SLC24A2: variants seen among roughly 807,000 people sequenced by gnomAD.
The protein encoded by SLC24A2 is sodium/potassium/calcium exchanger 2.
A neutral mutation model predicts 62.0 loss-of-function variants in SLC24A2; 36 were observed. That is an observed-to-expected ratio of 0.58 (90% CI 0.44 to 0.77). SLC24A2 has a LOEUF of 0.77. SLC24A2 is among the 30% of genes least tolerant of loss of function. SLC24A2 has a pLI of 0.00. For missense variants in SLC24A2, 846 were observed against 817.9 expected (o/e 1.03, Z -0.42); for synonymous variants, 358 against 294.0 (o/e 1.22, Z -2.23).
the SLC24A2 span, among the ~76,000 whole-genome samples, chr9:20,233,662 G>T: frequency 3.9e-5 from 6 of 152,092 alleles, no homozygotes; most frequent in African/African-American, 1.2e-4. Context: ...TACACTGACG[G>T]GTCTTGAATC....
the SLC24A2 span, among the ~76,000 whole-genome samples, chr9:19,894,950 T>A: frequency 6.6e-6 from 1 of 152,236 alleles, no homozygotes; most frequent in Non-Finnish European, 1.5e-5. Flanking sequence ...TTTCTCTTTG[T>A]GACATTTTCT....
At chr9:20,276,365 T>C in the SLC24A2 span, among the ~76,000 whole-genome samples, 17,887 of 152,232 alleles carry the variant, frequency 0.12, 2,051 homozygotes, top group East Asian at 0.52. Flanking sequence ...AGCTCCAAAA[T>C]GATCTCCTTT....
chr9:19,535,586 C>T (rs535862111), intron 8 of SLC24A2, among the ~76,000 whole-genome samples: 1 of 152,262 alleles, frequency 6.6e-6, no homozygotes, highest in South Asian at 2.1e-4. Flanking sequence ...GCCAATTTTC[C>T]CAGCACCATT....
At chr9:20,061,065 T>C in the SLC24A2 span, among the ~76,000 whole-genome samples, 16 of 152,200 alleles carry the variant, frequency 1.1e-4, no homozygotes, top group African/African-American at 3.4e-4. Flanking sequence ...AGACATTCCA[T>C]GTTTATGGAT....
At chr9:19,605,377 G>C (rs1487178494) in intron 4 of SLC24A2, among the ~76,000 whole-genome samples, 1 of 152,104 alleles carries the variant, frequency 6.6e-6, no homozygotes, top group African/African-American at 2.4e-5. Flanking sequence ...ATGAAATCTG[G>C]CCTTTTGGAA....
At chr9:20,306,085 T>C in the SLC24A2 span, among the ~76,000 whole-genome samples, 2 of 152,204 alleles carry the variant, frequency 1.3e-5, no homozygotes, top group African/African-American at 4.8e-5. Flanking sequence ...CACATTATTC[T>C]GAGGTACTAG....
chr9:19,526,469 AGTAT>A (rs997901911), intron 9 of SLC24A2, among the ~76,000 whole-genome samples: 1 of 152,226 alleles, frequency 6.6e-6, no homozygotes, highest in Non-Finnish European at 1.5e-5. Context: ...TCCTATCAGC[AGTAT>A]GTAAGGATTC....
At chr9:19,827,684 G>A in the SLC24A2 span, among the ~76,000 whole-genome samples, 1 of 151,996 alleles carries the variant, frequency 6.6e-6, no homozygotes, top group Non-Finnish European at 1.5e-5. Context: ...ACAACTCAAA[G>A]CTCTCATTAA....
the SLC24A2 span, among the ~76,000 whole-genome samples, chr9:19,955,220 G>T: frequency 1.3e-5 from 2 of 151,938 alleles, no homozygotes; most frequent in East Asian, 3.9e-4. Flanking sequence ...ATAAGTAATG[G>T]GGTCTTAGAT....
chr9:19,715,536 T>G (rs931257966), intron 2 of SLC24A2, among the ~76,000 whole-genome samples: 4 of 152,184 alleles, frequency 2.6e-5, no homozygotes, highest in African/African-American at 9.7e-5. Flanking sequence ...GATACCTCTG[T>G]GCTAAGGATT....
the SLC24A2 span, among the ~76,000 whole-genome samples, chr9:20,014,302 T>C: frequency 6.6e-6 from 1 of 152,038 alleles, no homozygotes; most frequent in Non-Finnish European, 1.5e-5. Context: ...GTACAGCCAT[T>C]GTGAAAAGCA....
Position 19,509,951 on chromosome 9 carries a change from A to G in SLC24A2, c.*6202T>C, listed in dbSNP as rs531168281. The G allele has an allele frequency of 4.6e-5, 7 of 152,336 alleles. No individual in the cohort carries two copies. The South Asian group carries it at 1.2e-3, about 27-fold the overall frequency. The allele number at this position is 152,336 out of a possible 1,614,324, so 9.4% of individuals were successfully genotyped here. On this transcript the variant is annotated 3_prime_UTR_variant, in exon 11 of 11. Transcript: ENST00000341998. ...CAACCTACCACACAAAAGGATATAA[A>G]CACACTGCAGTACTGGTTAATAAGT...
the SLC24A2 span, among the ~76,000 whole-genome samples, chr9:20,119,105 A>G: frequency 6.6e-6 from 1 of 152,210 alleles, no homozygotes; most frequent in Non-Finnish European, 1.5e-5. Flanking sequence ...AACAGCCAGC[A>G]AGAAGCTAAG....
chr9:19,968,476 T>C, the SLC24A2 span, among the ~76,000 whole-genome samples: 1 of 152,208 alleles, frequency 6.6e-6, no homozygotes, highest in Non-Finnish European at 1.5e-5. Flanking sequence ...TTTGGAGAAG[T>C]TAATTTGCTT....
chr9:20,231,137 C>A, the SLC24A2 span, among the ~76,000 whole-genome samples: 1 of 152,112 alleles, frequency 6.6e-6, no homozygotes, highest in Non-Finnish European at 1.5e-5. Context: ...GTTACTGTAG[C>A]CTTGTAGTAT....
chr9:19,918,492 T>C, the SLC24A2 span, among the ~76,000 whole-genome samples: 1 of 152,094 alleles, frequency 6.6e-6, no homozygotes, highest in East Asian at 1.9e-4. Flanking sequence ...TCTTGCTCCC[T>C]AGCTCACATC....
chr9:19,624,586 T>C (rs921504292), intron 2 of SLC24A2, among the ~76,000 whole-genome samples: 3 of 152,172 alleles, frequency 2.0e-5, no homozygotes, highest in African/African-American at 7.2e-5. Flanking sequence ...AAAAACTGAG[T>C]GCAGAGACAG....
At chr9:19,636,300 TTTTCTTTTCTTTTCTTTTCTTTC>T (rs879757440) in intron 2 of SLC24A2, among the ~76,000 whole-genome samples, 716 of 46,068 alleles carry the variant, frequency 0.016, 58 homozygotes, top group Middle Eastern at 0.018. Context: ...TTTTCTTTTC[TTTTCTTTTCTTTTCTTTTCTTTC>T]TTTCTTTCTT....
At chr9:20,129,480 A>G in the SLC24A2 span, among the ~76,000 whole-genome samples, 2 of 152,150 alleles carry the variant, frequency 1.3e-5, no homozygotes, top group South Asian at 4.1e-4. Context: ...TTGTACACGA[A>G]TATTCACATA....
Sources: allele counts gnomAD v4.1 joint callset (sites outside exome capture counted in the v4.1 genomes callset), GRCh38; gene constraint gnomAD v4.1.1; transcripts MANE v1.5; gene names NCBI Gene and HGNC (gene_info 2026-07-23, HGNC 2026-07-21).